NCOA1: variants seen among roughly 807,000 people sequenced by gnomAD.
The protein encoded by NCOA1 is Hin-2 protein.
In NCOA1, 35 loss-of-function variants were observed where a neutral mutation model predicts 150.9. The observed-to-expected ratio is 0.23, with a 90% CI of 0.18 to 0.31. The LOEUF (loss-of-function observed/expected upper bound fraction) is 0.31, where lower values mean the gene tolerates loss of function less well. NCOA1 is among the 10% of genes least tolerant of loss of function. The pLI is 1.00. For missense variants in NCOA1, 1,491 were observed against 1,749.3 expected, an observed-to-expected ratio of 0.85 and a Z score of 2.63; for synonymous variants, 590 against 630.0, an observed-to-expected ratio of 0.94 and a Z score of 0.95.
At chr2:24,695,685 AT>A (rs1401097012) in intron 10 of NCOA1, among the ~76,000 whole-genome samples, 1 of 152,184 alleles carries the variant, frequency 6.6e-6, no homozygotes, top group Non-Finnish European at 1.5e-5. Context: ...TTACTAGGAA[AT>A]GTTGAACAGT....
rs772970404 is a variant in NCOA1 at position 24,768,516 on chromosome 2, CAAAAA to C, written c.*146_*150del. The stretch of plus-strand genomic sequence containing the variant: ...ATTCTTCAGGTCGTAGCATTTGGAG[CAAAAA>C]AAAAAAAAAAAAAAAAAAAAGGAGT... On this transcript the variant is annotated 3_prime_UTR_variant, in exon 23 of 23. Transcript: ENST00000348332. 6.2e-3 allele frequency: 339 copies of C among 54,930 alleles called. No individual in the cohort carries two copies. Among genetic ancestry groups the C allele is most frequent in the East Asian group, 0.016 (57 of 3,568 alleles). The allele number at this position is 54,930 out of a possible 1,614,324, so 3.4% of individuals were successfully genotyped here.
chr2:24,686,472 A>G (rs550952161), intron 8 of NCOA1, among the ~76,000 whole-genome samples: 1 of 152,318 alleles, frequency 6.6e-6, no homozygotes, highest in Non-Finnish European at 1.5e-5. Flanking sequence ...AAGGACTTGC[A>G]TGAAGATTAG....
chr2:24,713,442 T>G lies in NCOA1; in HGVS notation c.2599+2331T>G, dbSNP rs554001083. 5.9e-5 allele frequency among the ~76,000 whole-genome samples: 9 copies of G among 152,174 alleles called. No individual in the cohort carries two copies. In the South Asian group the frequency reaches 1.0e-3, roughly 18 times the overall value. Reference sequence around the variant, plus strand: ...TCATATCATTCTGGAACATGAGAGATAAAGAAAAGATTCTAAAACCTTTCA... The same window carrying G: ...TCATATCATTCTGGAACATGAGAGAGAAAGAAAAGATTCTAAAACCTTTCA... On this transcript the variant is annotated intron_variant, in intron 14 of 22. Coordinates refer to ENST00000348332, the MANE Select transcript of NCOA1 (RefSeq NM_003743.5).
intron 3 of NCOA1, among the ~76,000 whole-genome samples, chr2:24,590,663 T>C (rs1380519960): frequency 1.3e-5 from 2 of 152,198 alleles, no homozygotes; most frequent in Non-Finnish European, 2.9e-5. Flanking sequence ...TGTGGACCCA[T>C]GGCACTTTGT....
chr2:24,540,523 A>G (rs1258417460), intron 1 of NCOA1, among the ~76,000 whole-genome samples: 1 of 149,560 alleles, frequency 6.7e-6, no homozygotes, highest in East Asian at 2.0e-4. Flanking sequence ...CAGTGGTGCG[A>G]TCTTGGCTCA....
intron 3 of NCOA1, among the ~76,000 whole-genome samples, chr2:24,627,997 C>T (rs891881464): frequency 3.3e-5 from 5 of 152,232 alleles, no homozygotes; most frequent in African/African-American, 1.2e-4. Context: ...GTGCCTAATT[C>T]CTTATATTAA....
intron 1 of NCOA1, among the ~76,000 whole-genome samples, chr2:24,514,808 T>C (rs1470314191): frequency 4.6e-5 from 7 of 152,060 alleles, no homozygotes; most frequent in African/African-American, 1.7e-4. Flanking sequence ...AACGTATAAA[T>C]AGATAAATTT....
chr2:24,716,412 G>T (rs532774454), intron 14 of NCOA1, among the ~76,000 whole-genome samples: 1 of 151,900 alleles, frequency 6.6e-6, no homozygotes, highest in Non-Finnish European at 1.5e-5. Flanking sequence ...TTTATATGGC[G>T]AATTGACATT....
In NCOA1 at chr2:24,769,983, C is replaced by G. The variant is rs1665243114; in HGVS notation, c.*1592C>G. 4.4e-6 allele frequency: 1 copy of G among 226,806 alleles called. No homozygotes were observed. The highest frequency in any genetic ancestry group is 2.2e-5 in the African/African-American group (1 of 44,946). 14.0% of individuals were successfully genotyped at this position (226,806 alleles called of 1,614,324 possible). On this transcript the variant is annotated 3_prime_UTR_variant, in exon 23 of 23. Coordinates refer to ENST00000348332, the MANE Select transcript of NCOA1 (RefSeq NM_003743.5). The stretch of plus-strand genomic sequence containing the variant: ...ATGGACTCAGACTTCAAGGAAGAAG[C>G]CATTTCCCCAGGTCCTTCCTTCTGC...
chr2:24,552,263 GA>G, intron 1 of NCOA1, among the ~76,000 whole-genome samples: 3 of 132,142 alleles, frequency 2.3e-5, no homozygotes, highest in Middle Eastern at 8.8e-3. Context: ...TCTGATATTT[GA>G]AAATAATGTA....
At chr2:24,639,916 G>GTATATATATATATA (rs67632791) in intron 3 of NCOA1, among the ~76,000 whole-genome samples, 2 of 29,734 alleles carry the variant, frequency 6.7e-5, no homozygotes, top group Non-Finnish European at 1.1e-4. Context: ...ATGTGTGTGT[G>GTATATATATATATA]TATATATATA....
chr2:24,562,264 C>G lies in NCOA1; in HGVS notation c.-395-2031C>G, dbSNP rs528005752. On this transcript the variant is annotated intron_variant, in intron 1 of 22. Coordinates refer to ENST00000348332, the MANE Select transcript of NCOA1 (RefSeq NM_003743.5). ...CAACCCAAATTTGAAAATCTGAAAT[C>G]TGAAATGCTTCACATTACAAAACTT... 2.4e-4 allele frequency among the ~76,000 whole-genome samples: 36 copies of G among 152,296 alleles called. No individual in the cohort carries two copies. The South Asian group carries it at 3.9e-3, about 17-fold the overall frequency.
chr2:24,535,370 T>C (rs1665088211), intron 1 of NCOA1, among the ~76,000 whole-genome samples: 1 of 152,192 alleles, frequency 6.6e-6, no homozygotes, highest in Non-Finnish European at 1.5e-5. Context: ...GTCTCCTGAA[T>C]ACAGCACACT....
Position 24,682,956 on chromosome 2 carries a change from G to T in NCOA1, c.360G>T (p.Leu120Phe). The change falls in exon 8 of 23, where the codon TTG becomes TTT. Residue 120 changes from leucine to phenylalanine, a missense_variant. Physicochemically the swap from Leu to Phe is conservative, Grantham distance 22. This residue lies in a region of NCOA1 where 80 missense variants were observed against 163.0 expected (regional missense o/e 0.49). Coordinates refer to ENST00000348332, the MANE Select transcript of NCOA1 (RefSeq NM_003743.5). ...ESLGPLLLEA[L>F]DGFFFVVNCE... ...TTTTTCTTTTGGTTTTGCAGGCTTT[G>T]GATGGATTTTTCTTTGTTGTGAACT... 1 of 1,587,890 alleles carries T rather than the reference G, an allele frequency of 6.3e-7. No homozygotes were observed. Among genetic ancestry groups the T allele is most frequent in the South Asian group, 1.2e-5 (1 of 84,936 alleles).
At chr2:24,751,863 C>T (rs901360839) in intron 19 of NCOA1, 119 bp from the exon 20 acceptor site, 4 of 990,970 alleles carry the variant, frequency 4.0e-6, no homozygotes, top group African/African-American at 3.3e-5. Flanking sequence ...TGACACAAGA[C>T]AAGGCAAATA....
intron 1 of NCOA1, among the ~76,000 whole-genome samples, chr2:24,526,778 T>C (rs1413931543): frequency 6.6e-6 from 1 of 152,146 alleles, no homozygotes; most frequent in African/African-American, 2.4e-5. Flanking sequence ...TGTTATGAGA[T>C]ACATGTAATG....
chr2:24,656,237 G>C (rs1001628015), intron 4 of NCOA1, among the ~76,000 whole-genome samples: 1 of 152,148 alleles, frequency 6.6e-6, no homozygotes. Context: ...CTTTGCCCAA[G>C]GACAGGCAGG....
intron 1 of NCOA1, among the ~76,000 whole-genome samples, chr2:24,560,644 A>G (rs1666259832): frequency 6.6e-6 from 1 of 152,148 alleles, no homozygotes; most frequent in Non-Finnish European, 1.5e-5. Flanking sequence ...GCCTTTCCTG[A>G]TTCCAATAAG....
At chr2:24,523,642 T>C (rs2148142915) in intron 1 of NCOA1, among the ~76,000 whole-genome samples, 1 of 92,120 alleles carries the variant, frequency 1.1e-5, no homozygotes, top group Middle Eastern at 8.6e-3. Context: ...AAACTGGGCT[T>C]TTTGGCCAGC....
Sources: allele counts gnomAD v4.1 joint callset (sites outside exome capture counted in the v4.1 genomes callset), GRCh38; gene constraint gnomAD v4.1.1; regional missense constraint gnomAD v4.1.1; transcripts MANE v1.5; gene names NCBI Gene and HGNC (gene_info 2026-07-23, HGNC 2026-07-21).